NECTIN2: variants seen among roughly 807,000 people sequenced by gnomAD.
NECTIN2 encodes nectin cell adhesion molecule 2.
Under a neutral mutation model 56.9 loss-of-function variants are expected in NECTIN2, and 23 were observed. The ratio of observed to expected loss-of-function variants is 0.40; its 90% CI spans 0.29 to 0.57. The LOEUF is 0.57. NECTIN2 is among the 20% of genes least tolerant of loss of function. The pLI, the probability that NECTIN2 is intolerant of heterozygous loss-of-function variation, is 0.38. For missense variants in NECTIN2, 587 were observed against 718.3 expected, an observed-to-expected ratio of 0.82 and a Z score of 2.09; for synonymous variants, 302 against 313.8, an observed-to-expected ratio of 0.96 and a Z score of 0.40.
chr19:44,852,589 C>T (rs770695084), intron 1 of NECTIN2, among the ~76,000 whole-genome samples: 92 of 150,662 alleles, frequency 6.1e-4, no homozygotes, highest in Non-Finnish European at 1.1e-3. Context: ...CAGAGGAGGG[C>T]GTGTTCTGCA....
Position 44,865,307 on chromosome 19 carries a change from T to C in NECTIN2, c.125T>C (p.Val42Ala), listed in dbSNP as rs1488957967. The C allele has an allele frequency of 1.3e-5, 21 of 1,613,626 alleles. No individual in the cohort carries two copies. Among genetic ancestry groups the C allele is most frequent in the Non-Finnish European group, 1.7e-5 (20 of 1,179,808 alleles). Reference protein sequence around the residue: ...QDVRVQVLPEVRGQLGGTVEL... With the variant: ...QDVRVQVLPEARGQLGGTVEL... ...GTGCGAGTTCAAGTGCTACCCGAGG[T>C]GCGAGGCCAGCTCGGGGGCACCGTG... Residue 42 changes from valine (V) to alanine (A), a missense_variant, in exon 2 of 9, where the codon GTG (valine) becomes GCG (alanine). Val to Ala is a moderately conservative substitution (Grantham distance 64, BLOSUM62 0). Coordinates refer to ENST00000252483, the MANE Select transcript of NECTIN2 (RefSeq NM_001042724.2). The surrounding 1 kb of genome is among the most constrained non-coding windows in gnomAD (Gnocchi z 5.2).
Position 44,872,157 on chromosome 19 carries a change from TATCGGG to T in NECTIN2, c.775+9_775+14del. 6.2e-7 allele frequency: 1 copy of T among 1,608,662 alleles called. No individual in the cohort carries two copies. Among genetic ancestry groups the T allele is most frequent in the African/African-American group, 1.3e-5 (1 of 74,954 alleles). ...TGACCCTCTCTGTACGCTGTGAGTG[TATCGGG>T]GGTGACCCCTCCCCCATCAAAACTG... On this transcript the variant is annotated intron_variant, in intron 3 of 8. Transcript: ENST00000252483.
At chr19:44,873,504 A>T (rs142978515) in intron 3 of NECTIN2, among the ~76,000 whole-genome samples, 60 of 152,254 alleles carry the variant, frequency 3.9e-4, no homozygotes, top group Non-Finnish European at 6.9e-4. Flanking sequence ...GTGGTGGTAC[A>T]TGCCTGTAAT....
chr19:44,876,771 G>A (rs543616743), intron 5 of NECTIN2, among the ~76,000 whole-genome samples: 22 of 152,206 alleles, frequency 1.4e-4, no homozygotes, highest in African/African-American at 5.3e-4. Context: ...ATAGAGACAG[G>A]GTCTCGCTAT....
chr19:44,856,993 C>T (rs933295539), intron 1 of NECTIN2, among the ~76,000 whole-genome samples: 7 of 152,210 alleles, frequency 4.6e-5, no homozygotes, highest in Non-Finnish European at 8.8e-5. Flanking sequence ...GCAAGTCCTT[C>T]CCTGGAACTG....
rs574968787 is a variant in NECTIN2, at chr19:44,869,660, G to A, written c.479-2193G>A. Among the ~76,000 whole-genome samples the A allele has an allele frequency of 4.0e-4, 60 of 151,620 alleles. 2 individuals carry two copies. In the South Asian group the frequency reaches 8.8e-3, roughly 22 times the overall value. On this transcript the variant is annotated intron_variant, in intron 2 of 8. Coordinates refer to ENST00000252483, the MANE Select transcript of NECTIN2 (RefSeq NM_001042724.2). ...GGTTTAATCAAGCCCAAAGCTTGAG[G>A]ATGACCACCTGGGAGCATAGATTGA...
chr19:44,858,180 C>G (rs769089187), intron 1 of NECTIN2, among the ~76,000 whole-genome samples: 19 of 152,070 alleles, frequency 1.2e-4, no homozygotes, highest in Admixed American at 1.3e-4. Context: ...GTGGGGGTGG[C>G]CCCTCTGGAC....
chr19:44,883,518 A>G (rs1404299204), intron 6 of NECTIN2, among the ~76,000 whole-genome samples: 1 of 151,892 alleles, frequency 6.6e-6, no homozygotes, highest in Non-Finnish European at 1.5e-5. Context: ...CAAGTGATCC[A>G]CCCGCCTCGG....
intron 1 of NECTIN2, among the ~76,000 whole-genome samples, chr19:44,848,461 G>A (rs935548402): frequency 3.3e-5 from 5 of 152,270 alleles, no homozygotes; most frequent in Non-Finnish European, 5.9e-5. Flanking sequence ...AAGTGCCTCT[G>A]AGTTTCCATT....
In NECTIN2 at chr19:44,864,546, C is replaced by T. The variant is rs1053556864; in HGVS notation, c.89-725C>T. ...AGGTAAGAATGGCCTGGTGGCCGGG[C>T]GCGGTGGCTCACGCCTGTAATCCCA... On this transcript the variant is annotated intron_variant, in intron 1 of 8. Coordinates refer to ENST00000252483, the MANE Select transcript of NECTIN2 (RefSeq NM_001042724.2). Among the ~76,000 whole-genome samples the T allele has an allele frequency of 5.9e-5, 9 of 151,452 alleles. No individual in the cohort carries two copies. The South Asian group carries it at 8.4e-4, about 14-fold the overall frequency.
Position 44,888,499 on chromosome 19 carries a change from T to C in NECTIN2, c.*120T>C. The C allele has an allele frequency of 9.0e-7, 1 of 1,111,872 alleles. No individual in the cohort carries two copies. Among genetic ancestry groups the C allele is most frequent in the Non-Finnish European group, 1.3e-6 (1 of 781,572 alleles). 68.9% of individuals were successfully genotyped at this position (1,111,872 alleles called of 1,614,324 possible). A position where few individuals can be genotyped will look rare whatever the true frequency, so the allele number is the denominator to read the frequency against. On this transcript the variant is annotated 3_prime_UTR_variant, in exon 9 of 9. Coordinates refer to ENST00000252483, the MANE Select transcript of NECTIN2 (RefSeq NM_001042724.2). ...TCAGTTAACACATATGCATTCCATT[T>C]GTGATGTCTACCTTGGTGGCTCCAC...
intron 1 of NECTIN2, among the ~76,000 whole-genome samples, chr19:44,857,713 T>TG (rs1258280249): frequency 2.0e-5 from 3 of 149,474 alleles, no homozygotes; most frequent in East Asian, 3.9e-4. Context: ...TTGTTTTTGT[T>TG]TTTTTTTTTT....
chr19:44,851,930 C>T (rs1389849040), intron 1 of NECTIN2, among the ~76,000 whole-genome samples: 2 of 152,122 alleles, frequency 1.3e-5, no homozygotes, highest in East Asian at 1.9e-4. Flanking sequence ...CCTCCGCAGC[C>T]CTGTCAGCCT....
intron 6 of NECTIN2, among the ~76,000 whole-genome samples, chr19:44,882,843 G>A (rs1488999421): frequency 2.0e-5 from 3 of 147,954 alleles, no homozygotes; most frequent in Non-Finnish European, 4.4e-5. Context: ...ATACAGTGAT[G>A]CAATCTCGGC....
chr19:44,876,051 A>T (rs1238019875), intron 5 of NECTIN2, among the ~76,000 whole-genome samples: 1 of 152,028 alleles, frequency 6.6e-6, no homozygotes, highest in Non-Finnish European at 1.5e-5. Flanking sequence ...AATCAAAGAC[A>T]TCCTGGGAGG....
At chr19:44,882,500 T>C in intron 6 of NECTIN2, 136 bp downstream of exon 6, 1 of 814,262 alleles carries the variant, frequency 1.2e-6, no homozygotes, top group African/African-American at 1.8e-5. Flanking sequence ...GGGGTCTAAA[T>C]GGAGTAGGGA....
chr19:44,888,474 T>C lies in NECTIN2; in HGVS notation c.*95T>C, dbSNP rs963749265. 1.6e-4 allele frequency: 221 copies of C among 1,346,444 alleles called. No homozygotes were observed. The highest frequency in any genetic ancestry group is 2.2e-4 in the Non-Finnish European group (213 of 979,832). The allele number at this position is 1,346,444 out of a possible 1,614,324, so 83.4% of individuals were successfully genotyped here. On this transcript the variant is annotated 3_prime_UTR_variant, in exon 9 of 9. Transcript: ENST00000252483. Reference sequence around the variant, plus strand: ...CCCCTGACCTCTGGCCAGGCCACTGTCAGTTAACACATATGCATTCCATTT... The same window carrying C: ...CCCCTGACCTCTGGCCAGGCCACTGCCAGTTAACACATATGCATTCCATTT...
chr19:44,874,217 G>A lies in NECTIN2; in HGVS notation c.894-113G>A, dbSNP rs925710880. 9.3e-6 allele frequency: 13 copies of A among 1,398,298 alleles called. No homozygotes were observed. Among genetic ancestry groups the A allele is most frequent in the South Asian group, 4.9e-5 (4 of 80,964 alleles). 86.6% of individuals were successfully genotyped at this position (1,398,298 alleles called of 1,614,324 possible). A position where few individuals can be genotyped will look rare whatever the true frequency, so the allele number is the denominator to read the frequency against. On this transcript the variant is annotated intron_variant, in intron 4 of 8. Coordinates refer to ENST00000252483, the MANE Select transcript of NECTIN2 (RefSeq NM_001042724.2). This position sits in a 1 kb window ranked among gnomAD's most constrained non-coding sequence, Gnocchi z 6.3. ...TGCATTTTGGCAATTTGGGGTCTCC[G>A]GGAGTACTTAGGTCCCTGGAGCTTG...
At position 44,874,516 on chromosome 19, in the gene NECTIN2, T is replaced by C. The variant is rs372021710; in HGVS notation, c.1042+38T>C. The C allele has an allele frequency of 1.3e-5, 21 of 1,607,284 alleles. No individual in the cohort carries two copies. Among genetic ancestry groups the C allele is most frequent in the Non-Finnish European group, 1.7e-5 (20 of 1,179,432 alleles). On this transcript the variant is annotated intron_variant, in intron 5 of 8. Coordinates refer to ENST00000252483, the MANE Select transcript of NECTIN2 (RefSeq NM_001042724.2). This position sits in a 1 kb window ranked among gnomAD's most constrained non-coding sequence, Gnocchi z 6.3. The stretch of plus-strand genomic sequence containing the variant: ...TGGGGGCCGTGTGTGGAGACCTGGG[T>C]CCGCTCCCCTGGAGTTCTGCCCTTC...
Sources: gnomAD v4.1 joint callset for allele counts (sites outside exome capture counted in the v4.1 genomes callset) on GRCh38, gnomAD v4.1.1 for gene constraint, Gnocchi (gnomAD v3.1) non-coding constraint, MANE v1.5 for transcripts, NCBI Gene and HGNC (gene_info 2026-07-23, HGNC 2026-07-21) for gene names.